The following STXBP4 variants were observed in gnomAD, a reference collection of about 807,000 sequenced individuals.
STXBP4 encodes the protein syntaxin binding protein 4.
In STXBP4, 55 loss-of-function variants were observed where a neutral mutation model predicts 76.1. That is an observed-to-expected ratio of 0.72 (90% CI 0.58 to 0.91). The LOEUF (loss-of-function observed/expected upper bound fraction) is 0.91, where lower values mean the gene tolerates loss of function less well. Ranked by LOEUF, STXBP4 falls within the 40% of genes least tolerant of loss-of-function variation. The pLI is 0.00. For synonymous variants in STXBP4, 201 were observed against 220.2 expected, an observed-to-expected ratio of 0.91 and a Z score of 0.77; for missense variants, 618 against 636.9, an observed-to-expected ratio of 0.97 and a Z score of 0.32.
intron 10 of STXBP4, among the ~76,000 whole-genome samples, chr17:55,038,407 A>G (rs1003135187): frequency 2.0e-5 from 3 of 151,920 alleles, no homozygotes; most frequent in Non-Finnish European, 4.4e-5. Context: ...TAGAATATGT[A>G]CTCTTTTGTA....
At chr17:54,968,905 T>C (rs2077334569) in intron 1 of STXBP4, 90 bp downstream of exon 1, 1 of 406,748 alleles carries the variant, frequency 2.5e-6, no homozygotes, top group Non-Finnish European at 4.5e-6. Context: ...GTTTCGCCCG[T>C]CCGCGTGCAA....
At chr17:55,211,799 G>GTTTTTTTTTTTTTTTTTTTTTT in the STXBP4 span, among the ~76,000 whole-genome samples, 3 of 48,980 alleles carry the variant, frequency 6.1e-5, no homozygotes, top group Non-Finnish European at 1.2e-4. Flanking sequence ...GTTTTTTGTT[G>GTTTTTTTTTTTTTTTTTTTTTT]TTTTTTTTTT....
intron 1 of STXBP4, among the ~76,000 whole-genome samples, chr17:54,983,769 A>G (rs2077583850): frequency 6.6e-6 from 1 of 152,220 alleles, no homozygotes; most frequent in African/African-American, 2.4e-5. Flanking sequence ...AATCTGCTCC[A>G]TGCGTGTATC....
intron 8 of STXBP4, among the ~76,000 whole-genome samples, chr17:55,026,164 A>C (rs986103526): frequency 1.1e-4 from 17 of 152,212 alleles, no homozygotes; most frequent in African/African-American, 4.1e-4. Context: ...TATGAGCTTA[A>C]TTATTAAGAT....
rs1291306752 is a variant in STXBP4 at position 55,007,597 on chromosome 17, G to A, written c.666G>A (p.Met222Ile). The change falls in exon 8 of 18, where the codon ATG becomes ATA. Residue 222 changes from methionine (M) to isoleucine (I), a missense_variant and splice_region_variant. By Grantham distance (10) the Met-to-Ile change is conservative (BLOSUM62 1). Transcript: ENST00000376352. Reference protein sequence around the residue: ...SVRFKAEKLEMALNYLGIQPT... With the variant: ...SVRFKAEKLEIALNYLGIQPT... Reference sequence around the variant, plus strand: ...GCTTTAAGGCAGAGAAACTGGAAATGGTAAAACCTTTAAATTTTCATTTTT... The same window carrying A: ...GCTTTAAGGCAGAGAAACTGGAAATAGTAAAACCTTTAAATTTTCATTTTT... 1 of 1,592,702 alleles carries A rather than the reference G, an allele frequency of 6.3e-7. No homozygotes were observed. Among genetic ancestry groups the A allele is most frequent in the Admixed American group, 1.8e-5 (1 of 54,790 alleles).
chr17:55,200,791 C>T, the STXBP4 span, among the ~76,000 whole-genome samples: 1 of 152,208 alleles, frequency 6.6e-6, no homozygotes, highest in African/African-American at 2.4e-5. Context: ...GCTAAATTAA[C>T]TTGCTGGAGA....
chr17:55,001,166 T>G (rs930836311), intron 7 of STXBP4, among the ~76,000 whole-genome samples: 3 of 152,196 alleles, frequency 2.0e-5, no homozygotes, highest in Non-Finnish European at 4.4e-5. Flanking sequence ...TAATGGAAAG[T>G]CTTCTATAAA....
At chr17:55,199,836 C>T in the STXBP4 span, among the ~76,000 whole-genome samples, 2 of 152,196 alleles carry the variant, frequency 1.3e-5, no homozygotes, top group African/African-American at 4.8e-5. Context: ...AGCTGTCCCC[C>T]ATTCTTACCT....
At chr17:55,062,251 C>T (rs1373331512) in intron 12 of STXBP4, among the ~76,000 whole-genome samples, 1 of 152,084 alleles carries the variant, frequency 6.6e-6, no homozygotes, top group Admixed American at 6.6e-5. Context: ...CCCCTGACCC[C>T]CTGACAGGCC....
intron 16 of STXBP4, among the ~76,000 whole-genome samples, chr17:55,096,293 C>A (rs1201045697): frequency 6.6e-6 from 1 of 152,110 alleles, no homozygotes; most frequent in African/African-American, 2.4e-5. Context: ...GTAGCTGGAA[C>A]TGCAGGCACA....
intron 16 of STXBP4, among the ~76,000 whole-genome samples, chr17:55,089,058 T>G (rs1229415236): frequency 6.6e-6 from 1 of 152,218 alleles, no homozygotes; most frequent in Non-Finnish European, 1.5e-5. Flanking sequence ...GCCAAATTGC[T>G]TAATTTCTAG....
intron 16 of STXBP4, among the ~76,000 whole-genome samples, chr17:55,132,569 G>A (rs1156393961): frequency 6.6e-6 from 1 of 152,124 alleles, no homozygotes; most frequent in African/African-American, 2.4e-5. Flanking sequence ...TGAATAGTAG[G>A]TATTTGTATA....
At chr17:55,095,685 A>G (rs7209029) in intron 16 of STXBP4, among the ~76,000 whole-genome samples, 56,107 of 152,024 alleles carry the variant, frequency 0.37, 11,239 homozygotes, top group East Asian at 0.54. Context: ...TCAGTTTTGC[A>G]GTTCTAAAGT....
chr17:55,148,508 T>C (rs1320441509), intron 17 of STXBP4, among the ~76,000 whole-genome samples: 13 of 152,178 alleles, frequency 8.5e-5, no homozygotes. Flanking sequence ...TTTTAGCTTT[T>C]TCTAAATCCT....
intron 8 of STXBP4, among the ~76,000 whole-genome samples, chr17:55,018,565 A>C (rs1259793888): frequency 6.6e-6 from 1 of 152,214 alleles, no homozygotes; most frequent in East Asian, 1.9e-4. Flanking sequence ...ACCACCAAAG[A>C]GGCTTTGTTT....
intron 1 of STXBP4, among the ~76,000 whole-genome samples, chr17:54,977,245 A>G (rs2144299746): frequency 6.6e-6 from 1 of 152,290 alleles, no homozygotes; most frequent in East Asian, 1.9e-4. Flanking sequence ...TTGGGTACAG[A>G]ATAAAAGATA....
At chr17:55,178,353 C>T (rs991873542), downstream of STXBP4, among the ~76,000 whole-genome samples, 9 of 152,188 alleles carry the variant, frequency 5.9e-5, no homozygotes, top group African/African-American at 1.9e-4. Context: ...CTATTTAAAG[C>T]CACATGGCAT....
chr17:54,984,232 G>C (rs1257591225), intron 1 of STXBP4, among the ~76,000 whole-genome samples: 1 of 151,736 alleles, frequency 6.6e-6, no homozygotes, highest in Non-Finnish European at 1.5e-5. Context: ...TTGAAGAAAA[G>C]ATAGGATGAT....
At chr17:55,070,375 G>A (rs1323572161) in intron 12 of STXBP4, among the ~76,000 whole-genome samples, 1 of 152,196 alleles carries the variant, frequency 6.6e-6, no homozygotes, top group Non-Finnish European at 1.5e-5. Flanking sequence ...ATCTAGCTGT[G>A]TCACTAGAGA....
Sources: gnomAD v4.1 joint callset for allele counts (sites outside exome capture counted in the v4.1 genomes callset) on GRCh38, gnomAD v4.1.1 for gene constraint, MANE v1.5 for transcripts, NCBI Gene and HGNC (gene_info 2026-07-23, HGNC 2026-07-21) for gene names.